Variants in CSGALNACT1 observed in about 807,000 individuals in gnomAD.
The protein encoded by CSGALNACT1 is chondroitin sulfate N-acetylgalactosaminyltransferase 1.
Under a neutral mutation model 51.0 loss-of-function variants are expected in CSGALNACT1, and 52 were observed. The ratio of observed to expected loss-of-function variants is 1.02; its 90% CI spans 0.82 to 1.29. The LOEUF (loss-of-function observed/expected upper bound fraction) is 1.29, where lower values mean the gene tolerates loss of function less well. Ranked by LOEUF, CSGALNACT1 falls within the 50% of genes most tolerant of loss-of-function variation. The pLI is 0.00. For missense variants in CSGALNACT1, 935 were observed against 679.2 expected (o/e 1.38, Z -4.19); for synonymous variants, 341 against 254.4 (o/e 1.34, Z -3.24).
At chr8:19,726,252 G>A (rs2063395071) in intron 1 of CSGALNACT1, among the ~76,000 whole-genome samples, 1 of 151,932 alleles carries the variant, frequency 6.6e-6, no homozygotes, top group Non-Finnish European at 1.5e-5. Flanking sequence ...AATATATAGA[G>A]CCTTTGATAA....
At chr8:19,633,918 T>C (rs1040812072) in intron 1 of CSGALNACT1, among the ~76,000 whole-genome samples, 2 of 152,240 alleles carry the variant, frequency 1.3e-5, no homozygotes, top group East Asian at 3.9e-4. Context: ...CTTGCTGCAC[T>C]AACCTCCTCC....
chr8:19,591,469 C>A (rs1233091507), intron 2 of CSGALNACT1, among the ~76,000 whole-genome samples: 1 of 152,122 alleles, frequency 6.6e-6, no homozygotes, highest in African/African-American at 2.4e-5. Context: ...CCTTTTTGGG[C>A]GTTTATATTC....
intron 3 of CSGALNACT1, among the ~76,000 whole-genome samples, chr8:19,545,485 T>C (rs140693260): frequency 1.3e-3 from 203 of 152,272 alleles, no homozygotes; most frequent in African/African-American, 4.7e-3. Flanking sequence ...AACATGATCA[T>C]TGATTTCTGT....
chr8:19,423,861 A>T (rs2058351190), intron 6 of CSGALNACT1, among the ~76,000 whole-genome samples: 1 of 152,134 alleles, frequency 6.6e-6, no homozygotes, highest in Admixed American at 6.5e-5. Flanking sequence ...TGCATTTTGA[A>T]TTCACTTCAT....
At chr8:19,493,030 T>A (rs926788265) in intron 4 of CSGALNACT1, among the ~76,000 whole-genome samples, 1 of 149,158 alleles carries the variant, frequency 6.7e-6, no homozygotes, top group Non-Finnish European at 1.5e-5. Flanking sequence ...ATCAATAAAT[T>A]CGATAGCTGC....
chr8:19,701,153 G>GTTTTTGTT (rs1554812744), intron 1 of CSGALNACT1, among the ~76,000 whole-genome samples: 1 of 93,280 alleles, frequency 1.1e-5, no homozygotes, highest in Non-Finnish European at 2.0e-5. Context: ...TCTATTATCC[G>GTTTTTGTT]TTTTTTTTTT....
intron 4 of CSGALNACT1, among the ~76,000 whole-genome samples, chr8:19,483,178 T>G (rs1474037027): frequency 5.9e-5 from 9 of 152,214 alleles, no homozygotes; most frequent in Admixed American, 4.6e-4. Context: ...CAACAACAGC[T>G]CTTTGTCCCT....
chr8:19,463,002 T>G lies in CSGALNACT1; in HGVS notation c.635-4360A>C, dbSNP rs192112827. Among the ~76,000 whole-genome samples the G allele has an allele frequency of 3.3e-3, 507 of 152,324 alleles. 2 individuals are homozygous for G. Among genetic ancestry groups the G allele is most frequent in the African/African-American group, 0.011 (474 of 41,574 alleles). ...CTCTCCACCCTGAGTTAGGCCCCAG[T>G]GTCTAACGTTCCCTTCATTGTGCCC... On this transcript the variant is annotated intron_variant, in intron 4 of 9. Coordinates refer to ENST00000454498, the Ensembl canonical transcript of CSGALNACT1.
At chr8:19,715,211 G>A (rs1040007761) in intron 1 of CSGALNACT1, among the ~76,000 whole-genome samples, 6 of 152,158 alleles carry the variant, frequency 3.9e-5, no homozygotes, top group African/African-American at 1.4e-4. Flanking sequence ...CACGAGAACA[G>A]TATGGGGGAA....
intron 4 of CSGALNACT1, among the ~76,000 whole-genome samples, chr8:19,481,416 T>C (rs1159291172): frequency 2.6e-5 from 4 of 152,124 alleles, no homozygotes; most frequent in Non-Finnish European, 2.9e-5. Context: ...GCCTAACAAA[T>C]GGGAAGGTGC....
intron 1 of CSGALNACT1, among the ~76,000 whole-genome samples, chr8:19,665,354 C>G (rs1378098549): frequency 6.6e-6 from 1 of 152,158 alleles, no homozygotes; most frequent in Non-Finnish European, 1.5e-5. Context: ...TGCCACGGCT[C>G]TTTTGGGCTT....
intron 4 of CSGALNACT1, among the ~76,000 whole-genome samples, chr8:19,465,768 A>G (rs906792262): frequency 2.0e-5 from 3 of 152,212 alleles, no homozygotes; most frequent in Non-Finnish European, 2.9e-5. Context: ...CAGGCTTACC[A>G]TTTCACAGAT....
intron 6 of CSGALNACT1, 47 bp downstream of exon 5, chr8:19,439,783 G>C: frequency 1.4e-6 from 2 of 1,429,966 alleles, no homozygotes; most frequent in Non-Finnish European, 9.9e-7. Context: ...GTGTGCTTCT[G>C]AGCTCAGTTA....
At chr8:19,572,965 G>C (rs192179512) in intron 3 of CSGALNACT1, among the ~76,000 whole-genome samples, 6 of 152,168 alleles carry the variant, frequency 3.9e-5, no homozygotes, top group Admixed American at 1.3e-4. Context: ...AAGGCAGTAC[G>C]AGGGATTCAG....
intron 5 of CSGALNACT1, among the ~76,000 whole-genome samples, chr8:19,441,692 T>C (rs1261152835): frequency 6.6e-6 from 1 of 152,238 alleles, no homozygotes; most frequent in Non-Finnish European, 1.5e-5. Flanking sequence ...CCAAAAGCAA[T>C]GGCAACAAAA....
intron 1 of CSGALNACT1, among the ~76,000 whole-genome samples, chr8:19,618,658 AAAGAAAG>A (rs1390349697): frequency 1.2e-5 from 1 of 83,850 alleles, no homozygotes; most frequent in East Asian, 2.5e-4. Context: ...AAAAAAAAAG[AAAGAAAG>A]AAAGAAAGAA....
chr8:19,624,793 C>T (rs536408682), intron 1 of CSGALNACT1, among the ~76,000 whole-genome samples: 78 of 152,224 alleles, frequency 5.1e-4, no homozygotes, highest in African/African-American at 1.6e-3. Flanking sequence ...ATTCTCCTGC[C>T]TCAGCCTCCC....
At chr8:19,528,275 A>G (rs2082092322) in intron 3 of CSGALNACT1, among the ~76,000 whole-genome samples, 1 of 151,974 alleles carries the variant, frequency 6.6e-6, no homozygotes, top group African/African-American at 2.4e-5. Flanking sequence ...CTGAGAAAGA[A>G]AAAGAAAAAA....
At chr8:19,438,197 C>CGGGGGGG (rs913808381) in intron 6 of CSGALNACT1, among the ~76,000 whole-genome samples, 10 of 146,236 alleles carry the variant, frequency 6.8e-5, no homozygotes, top group South Asian at 2.3e-4. Flanking sequence ...GGGCGGGGGT[C>CGGGGGGG]GGGGGGCAGC....
Sources: allele counts gnomAD v4.1 joint callset (sites outside exome capture counted in the v4.1 genomes callset), GRCh38; gene constraint gnomAD v4.1.1; transcripts MANE v1.5; gene names NCBI Gene and HGNC (gene_info 2026-07-23, HGNC 2026-07-21).